The following CYP2C19 variants were observed in gnomAD, a reference collection of about 807,000 sequenced individuals.
The protein encoded by CYP2C19 is cytochrome P450 2C19.
In CYP2C19, 59 loss-of-function variants were observed where a neutral mutation model predicts 40.9. The ratio of observed to expected loss-of-function variants is 1.44; its 90% confidence interval spans 1.17 to 1.79. CYP2C19 has a LOEUF of 1.79. Ranked by LOEUF, CYP2C19 falls within the 40% of genes most tolerant of loss-of-function variation. The pLI is 0.00. For missense variants in CYP2C19, 754 were observed against 596.9 expected (o/e 1.26, Z -2.74); for synonymous variants, 253 against 208.7 (o/e 1.21, Z -1.83).
In CYP2C19 at chr10:94,854,558, A is replaced by G. The variant is rs1198670617; in HGVS notation, c.*1644A>G. Among the ~76,000 whole-genome samples the G allele has an allele frequency of 6.6e-6, 1 of 152,010 alleles. No homozygotes were observed. Among genetic ancestry groups the G allele is most frequent in the Non-Finnish European group, 1.5e-5 (1 of 67,998 alleles). On this transcript the variant is annotated 3_prime_UTR_variant, in exon 9 of 9. Coordinates refer to ENST00000371321, the MANE Select transcript of CYP2C19 (RefSeq NM_000769.4). ...TAACATAATTGATTATGCTTTTCAC[A>G]GCTCATCTCCTAGAACAAGCTACTT...
intron 1 of CYP2C19, among the ~76,000 whole-genome samples, chr10:94,763,791 C>T (rs960880465): frequency 1.3e-5 from 2 of 152,074 alleles, no homozygotes; most frequent in Admixed American, 1.3e-4. Context: ...GGAACTGGTT[C>T]TTTCCAGTGG....
intron 5 of CYP2C19, among the ~76,000 whole-genome samples, chr10:94,813,158 T>C (rs1323602454): frequency 6.6e-6 from 1 of 152,084 alleles, no homozygotes; most frequent in African/African-American, 2.4e-5. Context: ...TTGCTTGAGG[T>C]CCACTCCAAA....
rs757145258 is a variant in CYP2C19 at position 94,775,135 on chromosome 10, G to A, written c.246G>A (p.Val82=). The A allele has an allele frequency of 8.1e-6, 13 of 1,613,982 alleles. No homozygotes were observed. The highest frequency in any genetic ancestry group is 3.3e-5 in the South Asian group (3 of 91,088). ...ERMVVLHGYE[V]VKEALIDLGE... The stretch of plus-strand genomic sequence containing the variant: ...TGGTGGTGCTGCATGGATATGAAGT[G>A]GTGAAGGAAGCCCTGATTGATCTTG... Residue 82 remains valine (V), a synonymous_variant, in exon 2 of 9, where the codon GTG becomes GTA. Coordinates refer to ENST00000371321, the MANE Select transcript of CYP2C19 (RefSeq NM_000769.4).
intron 5 of CYP2C19, among the ~76,000 whole-genome samples, chr10:94,795,389 A>T (rs1008377976): frequency 2.0e-5 from 3 of 151,900 alleles, no homozygotes; most frequent in Non-Finnish European, 2.9e-5. Flanking sequence ...ACATTTTCTT[A>T]ATCCAGTCTA....
chr10:94,764,527 C>A (rs1476171691), intron 1 of CYP2C19, among the ~76,000 whole-genome samples: 4 of 152,114 alleles, frequency 2.6e-5, no homozygotes, highest in African/African-American at 7.2e-5. Flanking sequence ...ACCTCTCAAT[C>A]CCCCCTTTAA....
chr10:94,835,885 T>C (rs1233867677), intron 6 of CYP2C19, among the ~76,000 whole-genome samples: 1 of 152,220 alleles, frequency 6.6e-6, no homozygotes, highest in Non-Finnish European at 1.5e-5. Flanking sequence ...AAGTATTCCA[T>C]TATCACTGAC....
intron 1 of CYP2C19, among the ~76,000 whole-genome samples, chr10:94,769,537 A>G (rs1335110138): frequency 6.6e-6 from 1 of 152,192 alleles, no homozygotes; most frequent in Non-Finnish European, 1.5e-5. Flanking sequence ...ACAACTGGAT[A>G]TAGAGGAATT....
intron 1 of CYP2C19, among the ~76,000 whole-genome samples, chr10:94,763,655 A>G (rs1848203355): frequency 6.6e-6 from 1 of 152,040 alleles, no homozygotes; most frequent in Non-Finnish European, 1.5e-5. Context: ...GGCTGTAGTT[A>G]TGAAGACTAC....
chr10:94,846,116 T>C (rs1288586875), intron 7 of CYP2C19, among the ~76,000 whole-genome samples: 5 of 152,140 alleles, frequency 3.3e-5, no homozygotes. Flanking sequence ...TAATTACTTT[T>C]TTCTTTCAAT....
At chr10:94,835,419 C>T (rs967910755) in intron 6 of CYP2C19, among the ~76,000 whole-genome samples, 2 of 152,156 alleles carry the variant, frequency 1.3e-5, no homozygotes, top group Non-Finnish European at 2.9e-5. Flanking sequence ...AAAACTATGT[C>T]TTCATGAGGT....
chr10:94,818,657 G>C (rs1589366280), intron 5 of CYP2C19, among the ~76,000 whole-genome samples: 1 of 148,826 alleles, frequency 6.7e-6, no homozygotes, highest in East Asian at 2.0e-4. Context: ...AAGCAATTGT[G>C]AATGGGAGTT....
chr10:94,793,787 A>G (rs180839838), intron 5 of CYP2C19, among the ~76,000 whole-genome samples: 8 of 152,280 alleles, frequency 5.3e-5, no homozygotes, highest in African/African-American at 1.9e-4. Context: ...GGTGTCTCCC[A>G]GTTAGGCTAC....
intron 5 of CYP2C19, among the ~76,000 whole-genome samples, chr10:94,811,894 T>G (rs1331488594): frequency 6.6e-6 from 1 of 152,050 alleles, no homozygotes; most frequent in African/African-American, 2.4e-5. Context: ...TAATATTGTG[T>G]GTGGATTTAA....
chr10:94,811,058 G>A (rs1040857860), intron 5 of CYP2C19, among the ~76,000 whole-genome samples: 2 of 152,156 alleles, frequency 1.3e-5, no homozygotes, highest in South Asian at 2.1e-4. Context: ...CTTTAGCTGT[G>A]TCTTGGAGAT....
chr10:94,813,248 C>G (rs561424652), intron 5 of CYP2C19, among the ~76,000 whole-genome samples: 1 of 152,090 alleles, frequency 6.6e-6, no homozygotes, highest in African/African-American at 2.4e-5. Context: ...GAAGCTTCGT[C>G]CTAGAGGGAC....
intron 5 of CYP2C19, among the ~76,000 whole-genome samples, chr10:94,818,443 T>C (rs1295437351): frequency 6.6e-6 from 1 of 151,986 alleles, no homozygotes; most frequent in African/African-American, 2.4e-5. Flanking sequence ...ATTGGTAGCT[T>C]GATGGAGATG....
chr10:94,770,192 T>C (rs1848308130), intron 1 of CYP2C19, among the ~76,000 whole-genome samples: 1 of 152,132 alleles, frequency 6.6e-6, no homozygotes, highest in African/African-American at 2.4e-5. Context: ...GCACTTACCC[T>C]GGGCACCCTG....
chr10:94,821,978 T>G (rs1057352756), intron 6 of CYP2C19, among the ~76,000 whole-genome samples: 19 of 152,248 alleles, frequency 1.2e-4, no homozygotes, highest in Admixed American at 3.9e-4. Context: ...TGTCTATTGT[T>G]CCCATCTTTA....
chr10:94,852,772 A>G lies in CYP2C19; in HGVS notation c.1331A>G (p.Glu444Gly), dbSNP rs1849673942. The change falls in exon 9 of 9, where the codon GAG becomes GGG. Residue 444 changes from glutamate (E) to glycine (G), a missense_variant. Physicochemically the swap from Glu to Gly is moderately conservative, Grantham distance 98. Transcript: ENST00000371321. Reference protein sequence around the residue: ...ICVGEGLARMELFLFLTFILQ... With the variant: ...ICVGEGLARMGLFLFLTFILQ... The stretch of plus-strand genomic sequence containing the variant: ...GTGGGAGAGGGCCTGGCCCGCATGG[A>G]GCTGTTTTTATTCCTGACCTTCATT... 6.2e-7 allele frequency: 1 copy of G among 1,613,890 alleles called. No homozygotes were observed. Among genetic ancestry groups the G allele is most frequent in the African/African-American group, 1.3e-5 (1 of 74,882 alleles).
Sources: allele counts gnomAD v4.1 joint callset (sites outside exome capture counted in the v4.1 genomes callset), GRCh38; gene constraint gnomAD v4.1.1; transcripts MANE v1.5; gene names NCBI Gene and HGNC (gene_info 2026-07-23, HGNC 2026-07-21).